B3GALT1: variants seen among roughly 807,000 people sequenced by gnomAD.
The protein encoded by B3GALT1 is UDP-Gal:betaGlcNAc beta 1,3-galactosyltransferase, polypeptide 1.
In B3GALT1, 10 loss-of-function variants were observed where a neutral mutation model predicts 23.2. That is an observed-to-expected ratio of 0.43 (90% CI 0.27 to 0.73). The LOEUF (loss-of-function observed/expected upper bound fraction) is 0.73. Among genes scored for constraint, B3GALT1 ranks in the 30% least tolerant of loss-of-function variants. B3GALT1 has a pLI of 0.21. For missense variants in B3GALT1, 299 were observed against 405.4 expected (o/e 0.74, Z 2.25); for synonymous variants, 156 against 141.5 (o/e 1.10, Z -0.73).
At chr2:167,860,202 T>C (rs1375688900) in intron 4 of B3GALT1, among the ~76,000 whole-genome samples, 1 of 152,222 alleles carries the variant, frequency 6.6e-6, no homozygotes, top group Non-Finnish European at 1.5e-5. Context: ...AGAATGAAGA[T>C]ACTTTTTGAT....
chr2:167,727,279 G>A (rs1687333629), intron 3 of B3GALT1, among the ~76,000 whole-genome samples: 2 of 152,084 alleles, frequency 1.3e-5, no homozygotes, highest in African/African-American at 4.8e-5. Flanking sequence ...ATCTTCAGTC[G>A]TTCTAATTTC....
intron 4 of B3GALT1, among the ~76,000 whole-genome samples, chr2:167,853,048 GTTA>G (rs1418336390): frequency 6.6e-6 from 1 of 152,124 alleles, no homozygotes; most frequent in Non-Finnish European, 1.5e-5. Context: ...TATTGATTGA[GTTA>G]TTTTCCCATT....
intron 1 of B3GALT1, among the ~76,000 whole-genome samples, chr2:167,328,917 A>G (rs1696933083): frequency 6.6e-6 from 1 of 152,126 alleles, no homozygotes; most frequent in African/African-American, 2.4e-5. Flanking sequence ...GATTCAAACA[A>G]TTCTCTTGCC....
At chr2:167,337,035 T>A (rs1697068114) in intron 1 of B3GALT1, among the ~76,000 whole-genome samples, 1 of 152,096 alleles carries the variant, frequency 6.6e-6, no homozygotes, top group Admixed American at 6.6e-5. Context: ...ACCCTGCCCC[T>A]CTTCCATGGA....
intron 2 of B3GALT1, among the ~76,000 whole-genome samples, chr2:167,518,143 A>T (rs1700132048): frequency 6.6e-6 from 1 of 152,120 alleles, no homozygotes; most frequent in African/African-American, 2.4e-5. Context: ...TCCATCGAGG[A>T]TCCAAATTAT....
chr2:167,728,207 G>A (rs989136095), intron 3 of B3GALT1, among the ~76,000 whole-genome samples: 1 of 152,136 alleles, frequency 6.6e-6, no homozygotes, highest in African/African-American at 2.4e-5. Context: ...GGCCAACATG[G>A]CGAAACCCAG....
chr2:167,564,658 G>A (rs1395391950), intron 2 of B3GALT1, among the ~76,000 whole-genome samples: 1 of 152,130 alleles, frequency 6.6e-6, no homozygotes, highest in Non-Finnish European at 1.5e-5. Flanking sequence ...GCTAGGAGCT[G>A]GAGACCAGCC....
At chr2:167,588,624 A>G (rs1684618749) in intron 2 of B3GALT1, among the ~76,000 whole-genome samples, 1 of 152,050 alleles carries the variant, frequency 6.6e-6, no homozygotes, top group Non-Finnish European at 1.5e-5. Flanking sequence ...ACTGAGATAG[A>G]TGAGTGTTTT....
intron 3 of B3GALT1, among the ~76,000 whole-genome samples, chr2:167,678,573 G>GA (rs76363929): frequency 0.24 from 35,727 of 151,684 alleles, 5,110 homozygotes; most frequent in Admixed American, 0.36. Flanking sequence ...AAATGCTGTT[G>GA]AAAAAAATCA....
chr2:167,608,451 G>T (rs1653413), intron 2 of B3GALT1, among the ~76,000 whole-genome samples: 1 of 152,036 alleles, frequency 6.6e-6, no homozygotes, highest in Non-Finnish European at 1.5e-5. Context: ...TGTATTTAAG[G>T]TTTAATTCTT....
In B3GALT1 at chr2:167,467,319, T is replaced by C. The variant is rs1394018205; in HGVS notation, c.-510-22858T>C. Among the ~76,000 whole-genome samples the C allele has an allele frequency of 2.6e-5, 4 of 152,290 alleles. No individual in the cohort carries two copies. The East Asian group carries it at 5.8e-4, about 22-fold the overall frequency. Reference sequence around the variant, plus strand: ...AGTATTCTTTTGGGTTATTACTTCATGTAGGGCCTCCCTCGAGCATTATTT... The same window carrying C: ...AGTATTCTTTTGGGTTATTACTTCACGTAGGGCCTCCCTCGAGCATTATTT... On this transcript the variant is annotated intron_variant, in intron 1 of 4. Transcript: ENST00000392690.
intron 1 of B3GALT1, among the ~76,000 whole-genome samples, chr2:167,423,443 G>A (rs902160819): frequency 6.6e-6 from 1 of 152,036 alleles, no homozygotes; most frequent in African/African-American, 2.4e-5. Flanking sequence ...CTTTCTACTC[G>A]CAATCCACCA....
intron 3 of B3GALT1, among the ~76,000 whole-genome samples, chr2:167,688,361 G>A (rs533171316): frequency 6.6e-6 from 1 of 152,212 alleles, no homozygotes; most frequent in South Asian, 2.1e-4. Context: ...TAAAGCAGCT[G>A]TCATAAAAAT....
intron 4 of B3GALT1, among the ~76,000 whole-genome samples, chr2:167,846,517 A>G (rs925909287): frequency 1.3e-5 from 2 of 152,212 alleles, no homozygotes; most frequent in African/African-American, 4.8e-5. Flanking sequence ...TATATGAAGG[A>G]AAGATAGATA....
intron 2 of B3GALT1, among the ~76,000 whole-genome samples, chr2:167,542,178 T>C (rs1240277960): frequency 2.0e-5 from 3 of 152,168 alleles, no homozygotes; most frequent in Non-Finnish European, 1.5e-5. Flanking sequence ...TAATGTAAGA[T>C]GATTTTTCTG....
intron 2 of B3GALT1, among the ~76,000 whole-genome samples, chr2:167,572,876 C>A (rs1016046854): frequency 1.7e-4 from 26 of 151,394 alleles, no homozygotes; most frequent in African/African-American, 6.3e-4. Flanking sequence ...CTTAGGTTAG[C>A]GGGAAAAAAA....
At chr2:167,653,659 C>T (rs555794620) in intron 3 of B3GALT1, among the ~76,000 whole-genome samples, 8 of 152,174 alleles carry the variant, frequency 5.3e-5, no homozygotes, top group South Asian at 2.1e-4. Context: ...CAGGCTCACG[C>T]TCCTAATAGG....
chr2:167,526,683 G>A (rs1181645816), intron 2 of B3GALT1, among the ~76,000 whole-genome samples: 1 of 152,168 alleles, frequency 6.6e-6, no homozygotes, highest in Non-Finnish European at 1.5e-5. Context: ...TTACAGAAAT[G>A]TAATTTGCAT....
At chr2:167,791,130 C>T (rs1688431994) in intron 3 of B3GALT1, among the ~76,000 whole-genome samples, 1 of 152,116 alleles carries the variant, frequency 6.6e-6, no homozygotes, top group African/African-American at 2.4e-5. Flanking sequence ...AACATTAGCA[C>T]ATTTAATCCT....
Sources: allele counts gnomAD v4.1 joint callset (sites outside exome capture counted in the v4.1 genomes callset), GRCh38; gene constraint gnomAD v4.1.1; transcripts MANE v1.5; gene names NCBI Gene and HGNC (gene_info 2026-07-23, HGNC 2026-07-21).